The following PDE1A variants were observed in gnomAD, a reference collection of about 807,000 sequenced individuals.
The protein encoded by PDE1A is phosphodiesterase 1A, also known as dual specificity calcium/calmodulin-dependent 3',5'-cyclic nucleotide phosphodiesterase 1A.
Under a neutral mutation model 61.7 loss-of-function variants are expected in PDE1A, and 35 were observed. That is an observed-to-expected ratio of 0.57 (90% CI 0.43 to 0.75). The LOEUF (loss-of-function observed/expected upper bound fraction) is 0.75. PDE1A is among the 30% of genes least tolerant of loss of function. PDE1A has a pLI of 0.00. For missense variants in PDE1A, 597 were observed against 630.6 expected (o/e 0.95, Z 0.57); for synonymous variants, 232 against 213.2 (o/e 1.09, Z -0.77).
chr2:182,387,431 GA>G (rs1337530067), intron 1 of PDE1A, among the ~76,000 whole-genome samples: 2 of 151,434 alleles, frequency 1.3e-5, no homozygotes, highest in Non-Finnish European at 2.9e-5. Flanking sequence ...AAAAAAAGAA[GA>G]AAGAAAGAGA....
chr2:182,262,259 T>C (rs2125780849), intron 2 of PDE1A, among the ~76,000 whole-genome samples: 1 of 151,770 alleles, frequency 6.6e-6, no homozygotes, highest in East Asian at 1.9e-4. Context: ...TTATTTCTTC[T>C]TTCCTTCTTT....
chr2:182,588,560 G>A, the PDE1A span, among the ~76,000 whole-genome samples: 3 of 152,004 alleles, frequency 2.0e-5, no homozygotes, highest in Non-Finnish European at 4.4e-5. Flanking sequence ...ACAACCATAT[G>A]ACCCTTTTTC....
chr2:182,475,226 T>C (rs995984292), intron 2 of PDE1A, among the ~76,000 whole-genome samples: 1 of 151,880 alleles, frequency 6.6e-6, no homozygotes, highest in Non-Finnish European at 1.5e-5. Context: ...ATCAGCACTG[T>C]CAAGATGAGA....
Position 182,187,809 on chromosome 2 carries a change from A to G in PDE1A, c.1207+1170T>C, listed in dbSNP as rs1255993949. Reference sequence around the variant, plus strand: ...GCCCAGGCTGGAGTGCAGTGGTGCAATCTCGGCTCACTGCAACCTCTGCCT... The same window carrying G: ...GCCCAGGCTGGAGTGCAGTGGTGCAGTCTCGGCTCACTGCAACCTCTGCCT... On this transcript the variant is annotated intron_variant, in intron 11 of 13. Coordinates refer to ENST00000351439, the Ensembl canonical transcript of PDE1A. 3.7e-5 allele frequency among the ~76,000 whole-genome samples: 5 copies of G among 136,010 alleles called. No individual in the cohort carries two copies. The Admixed American group carries it at 4.3e-4, about 12-fold the overall frequency. 89.2% of individuals were successfully genotyped at this position (136,010 alleles called of 152,430 possible).
chr2:182,436,046 T>C (rs1489484467), intron 2 of PDE1A, among the ~76,000 whole-genome samples: 2 of 152,040 alleles, frequency 1.3e-5, no homozygotes, highest in African/African-American at 2.4e-5. Context: ...AGACTTCCAA[T>C]AGTGTGTTTG....
At chr2:182,506,214 G>A (rs1236826444) in intron 2 of PDE1A, among the ~76,000 whole-genome samples, 2 of 151,746 alleles carry the variant, frequency 1.3e-5, no homozygotes, top group South Asian at 2.1e-4. Context: ...TGTAGAGTTC[G>A]TAAGAAAGCA....
intron 1 of PDE1A, among the ~76,000 whole-genome samples, chr2:182,423,413 C>T (rs1703404110): frequency 6.6e-6 from 1 of 152,152 alleles, no homozygotes; most frequent in Non-Finnish European, 1.5e-5. Context: ...TCCCAAGCCT[C>T]CTAATATCGT....
chr2:182,234,187 C>T (rs935352933), intron 4 of PDE1A, among the ~76,000 whole-genome samples: 20 of 152,118 alleles, frequency 1.3e-4, no homozygotes, highest in African/African-American at 4.1e-4. Context: ...AAAAAACACA[C>T]GTGTGTGTGC....
exon 14 of PDE1A, chr2:182,168,144 C>A (rs901590618): frequency 2.0e-6 from 3 of 1,476,920 alleles, no homozygotes; most frequent in African/African-American, 2.9e-5. Context: ...GATTTCCTGT[C>A]TCACACAGGA....
At chr2:182,520,951 TC>T (rs1690528354) in intron 2 of PDE1A, among the ~76,000 whole-genome samples, 2 of 152,026 alleles carry the variant, frequency 1.3e-5, no homozygotes, top group African/African-American at 4.8e-5. Context: ...AGCTGTAATT[TC>T]TAAATCTTCA....
At chr2:182,148,818 G>A (rs1181594503) in intron 13 of PDE1A, among the ~76,000 whole-genome samples, 2 of 152,092 alleles carry the variant, frequency 1.3e-5, no homozygotes, top group Non-Finnish European at 2.9e-5. Context: ...AAGGGTCTTG[G>A]TGAAGTTCTC....
At chr2:182,171,878 A>G (rs1333826844) in intron 13 of PDE1A, among the ~76,000 whole-genome samples, 2 of 150,766 alleles carry the variant, frequency 1.3e-5, no homozygotes, top group Non-Finnish European at 3.0e-5. Context: ...CCAACCCAAT[A>G]CTCCCTTCCC....
intron 1 of PDE1A, among the ~76,000 whole-genome samples, chr2:182,313,037 A>T (rs1460357948): frequency 2.0e-5 from 3 of 152,182 alleles, no homozygotes; most frequent in Non-Finnish European, 2.9e-5. Flanking sequence ...TACTCTAAAA[A>T]TTTTCAGAAT....
At chr2:182,596,162 G>A in the PDE1A span, among the ~76,000 whole-genome samples, 1 of 152,220 alleles carries the variant, frequency 6.6e-6, no homozygotes, top group East Asian at 1.9e-4. Context: ...CTAAAACAAA[G>A]TCTAATCAAG....
At chr2:182,537,959 A>T in the PDE1A span, among the ~76,000 whole-genome samples, 1 of 152,086 alleles carries the variant, frequency 6.6e-6, no homozygotes, top group Admixed American at 6.6e-5. Context: ...AAGCTCTTGA[A>T]GGTTTTGAGC....
the PDE1A span, among the ~76,000 whole-genome samples, chr2:182,540,650 A>G: frequency 2.0e-5 from 3 of 152,074 alleles, no homozygotes; most frequent in African/African-American, 7.2e-5. Context: ...GTAAAGCCAT[A>G]TTTTTTACAT....
the PDE1A span, among the ~76,000 whole-genome samples, chr2:182,640,789 GC>G: frequency 1.3e-5 from 2 of 152,016 alleles, no homozygotes; most frequent in Non-Finnish European, 1.5e-5. Flanking sequence ...GGAGGCCAAG[GC>G]AGGCAGATCA....
chr2:182,158,386 C>G (rs1691208451), intron 13 of PDE1A, among the ~76,000 whole-genome samples: 1 of 152,164 alleles, frequency 6.6e-6, no homozygotes, highest in African/African-American at 2.4e-5. Context: ...ATCTCTACAT[C>G]AAATTACATC....
exon 14 of PDE1A, chr2:182,168,080 T>G: frequency 7.5e-7 from 1 of 1,336,534 alleles, no homozygotes; most frequent in Non-Finnish European, 9.6e-7. Flanking sequence ...ATTAAGGAGT[T>G]TACAGCTGTT....
Sources: gnomAD v4.1 joint callset for allele counts (sites outside exome capture counted in the v4.1 genomes callset) on GRCh38, gnomAD v4.1.1 for gene constraint, MANE v1.5 for transcripts, NCBI Gene and HGNC (gene_info 2026-07-23, HGNC 2026-07-21) for gene names.